RGS3: variants seen among roughly 807,000 people sequenced by gnomAD.
RGS3 encodes the protein regulator of G-protein signalling 3.
A neutral mutation model predicts 132.6 loss-of-function variants in RGS3; 80 were observed. The observed-to-expected ratio is 0.60, with a 90% confidence interval of 0.50 to 0.73. The LOEUF is 0.73. RGS3 is among the 30% of genes least tolerant of loss of function. The pLI is 0.00. For synonymous variants in RGS3, 598 were observed against 620.6 expected, an observed-to-expected ratio of 0.96 and a Z score of 0.54; for missense variants, 1,382 against 1,530.8, an observed-to-expected ratio of 0.90 and a Z score of 1.62.
At chr9:113,497,981 C>T in intron 9 of RGS3, 44 bp from the exon 8 acceptor site, 3 of 1,608,424 alleles carry the variant, frequency 1.9e-6, no homozygotes, top group Non-Finnish European at 2.6e-6. Context: ...GGGGAGACTT[C>T]TCTGCCACCA....
At chr9:113,596,790 G>A (rs1359208557) in exon 25 of RGS3, 6 of 1,612,198 alleles carry the variant, frequency 3.7e-6, no homozygotes, top group East Asian at 2.2e-5. Context: ...TCCTACACGC[G>A]GGAGCACACC....
At chr9:113,494,728 G>A (rs1830630244) in intron 7 of RGS3, among the ~76,000 whole-genome samples, 2 of 152,020 alleles carry the variant, frequency 1.3e-5, no homozygotes. Flanking sequence ...CTCAAGTGAT[G>A]CCTTCCAAAG....
chr9:113,571,045 AT>A (rs1834267751), intron 19 of RGS3, among the ~76,000 whole-genome samples: 1 of 152,158 alleles, frequency 6.6e-6, no homozygotes, highest in Non-Finnish European at 1.5e-5. Flanking sequence ...CAGCATTTTG[AT>A]GGCAAGATTC....
At chr9:113,484,015 C>T (rs1830244476) in intron 5 of RGS3, 123 bp from the exon 4 acceptor site, 1 of 626,646 alleles carries the variant, frequency 1.6e-6, no homozygotes, top group Non-Finnish European at 2.9e-6. Context: ...TCTATTCTGT[C>T]CTCTGCAGAG....
intron 20 of RGS3, among the ~76,000 whole-genome samples, chr9:113,587,305 C>T (rs912784015): frequency 3.3e-5 from 5 of 152,154 alleles, no homozygotes; most frequent in African/African-American, 9.7e-5. Flanking sequence ...TGGCCTGGCT[C>T]TTCTGGGAGG....
chr9:113,465,480 T>TGTGTGTGTGTGC (rs1286703799), intron 3 of RGS3, among the ~76,000 whole-genome samples: 1 of 150,892 alleles, frequency 6.6e-6, no homozygotes, highest in East Asian at 1.9e-4. Flanking sequence ...TGTGTGTGTG[T>TGTGTGTGTGTGC]GCCTGTGTGT....
intron 20 of RGS3, among the ~76,000 whole-genome samples, chr9:113,584,817 C>T (rs560133554): frequency 2.6e-5 from 4 of 152,216 alleles, no homozygotes; most frequent in Non-Finnish European, 5.9e-5. Context: ...ACATTTATTC[C>T]GTGTCCACAT....
At chr9:113,474,747 G>T (rs972665674) in intron 3 of RGS3, among the ~76,000 whole-genome samples, 4 of 152,136 alleles carry the variant, frequency 2.6e-5, no homozygotes, top group African/African-American at 9.7e-5. Flanking sequence ...GCGGCTTCTG[G>T]GGTGAATTGG....
chr9:113,559,978 C>G (rs972439625), intron 19 of RGS3, among the ~76,000 whole-genome samples: 3 of 152,218 alleles, frequency 2.0e-5, no homozygotes, highest in Admixed American at 2.0e-4. Flanking sequence ...ATTCCACATA[C>G]ACCACGTCGT....
chr9:113,532,366 C>T (rs114552246), intron 18 of RGS3, among the ~76,000 whole-genome samples: 142 of 150,524 alleles, frequency 9.4e-4, no homozygotes, highest in African/African-American at 3.4e-3. Context: ...TGCTCTCTCT[C>T]TTGGCTTGGC....
At chr9:113,581,834 G>C (rs1834829550) in intron 19 of RGS3, 1 of 160,402 alleles carries the variant, frequency 6.2e-6, no homozygotes, top group Non-Finnish European at 1.3e-5. Context: ...GCTGCAGGCA[G>C]GATTTCCAGG....
chr9:113,449,102 T>C (rs1009905031), intron 1 of RGS3, among the ~76,000 whole-genome samples: 1 of 152,148 alleles, frequency 6.6e-6, no homozygotes, highest in Non-Finnish European at 1.5e-5. Context: ...CAGGGAGTGA[T>C]AGCACTAAAT....
chr9:113,466,751 C>T (rs1829657918), intron 3 of RGS3, among the ~76,000 whole-genome samples: 1 of 152,168 alleles, frequency 6.6e-6, no homozygotes, highest in Admixed American at 6.5e-5. Context: ...CAGATATATA[C>T]AATTCACTCA....
At chr9:113,560,347 C>T (rs1025435552) in intron 19 of RGS3, among the ~76,000 whole-genome samples, 13 of 152,148 alleles carry the variant, frequency 8.5e-5, no homozygotes, top group African/African-American at 3.1e-4. Context: ...CTGTCTTACC[C>T]CACCCCACCA....
At position 113,450,712 on chromosome 9, in the gene RGS3, A is replaced by G. The variant is rs1829220564; in HGVS notation, c.-13+5785A>G. ...GGGAAGAGGACTAAAGGCCACAGCCAGGAACACACAAGAAGGTAAGCAGAG... is the reference window on the plus strand; with the variant it reads ...GGGAAGAGGACTAAAGGCCACAGCCGGGAACACACAAGAAGGTAAGCAGAG... On this transcript the variant is annotated intron_variant, in intron 1 of 25. Coordinates refer to the RGS3 transcript ENST00000374140. 2.0e-5 allele frequency among the ~76,000 whole-genome samples: 3 copies of G among 152,240 alleles called. No individual in the cohort carries two copies. In the South Asian group the frequency reaches 6.2e-4, roughly 31 times the overall value.
intron 16 of RGS3, among the ~76,000 whole-genome samples, chr9:113,519,771 T>C (rs1831849942): frequency 6.6e-6 from 1 of 152,170 alleles, no homozygotes; most frequent in South Asian, 2.1e-4. Context: ...TCCTTGGTTC[T>C]TTGTCCCATC....
At chr9:113,487,023 ATGT>A (rs1830352006) in intron 7 of RGS3, among the ~76,000 whole-genome samples, 2 of 148,760 alleles carry the variant, frequency 1.3e-5, no homozygotes, top group Non-Finnish European at 3.0e-5. Flanking sequence ...GGGGGACGTC[ATGT>A]TAATAACAAT....
intron 4 of RGS3, among the ~76,000 whole-genome samples, chr9:113,479,996 G>A (rs143705690): frequency 0.027 from 4,148 of 152,270 alleles, 103 homozygotes; most frequent in Non-Finnish European, 0.038. Flanking sequence ...CCCTGGCTCT[G>A]ATACTTGTTG....
At chr9:113,580,838 C>T in intron 19 of RGS3, 1 of 985,748 alleles carries the variant, frequency 1.0e-6, no homozygotes, top group Non-Finnish European at 1.2e-6. Flanking sequence ...GGTGGGCGGG[C>T]TCTGACTGAC....
Sources: gnomAD v4.1 joint callset for allele counts (sites outside exome capture counted in the v4.1 genomes callset) on GRCh38, gnomAD v4.1.1 for gene constraint, MANE v1.5 for transcripts, NCBI Gene and HGNC (gene_info 2026-07-23, HGNC 2026-07-21) for gene names.